Variants in COL4A1 observed in about 807,000 individuals in gnomAD.
COL4A1 encodes collagen type IV alpha 1 chain.
In COL4A1, 40 loss-of-function variants were observed where a neutral mutation model predicts 216.6. That is an observed-to-expected ratio of 0.18 (90% CI 0.14 to 0.24). The LOEUF (loss-of-function observed/expected upper bound fraction) is 0.24. Ranked by LOEUF, COL4A1 falls within the 10% of genes least tolerant of loss-of-function variation. The probability of loss-of-function intolerance (pLI) is 1.00; values close to 1 mark genes in which losing one functional copy is unlikely to be tolerated. For synonymous variants in COL4A1, 839 were observed against 810.7 expected, an observed-to-expected ratio of 1.03 and a Z score of -0.59; for missense variants, 1,628 against 2,196.8, an observed-to-expected ratio of 0.74 and a Z score of 5.18.
At chr13:110,302,669 A>T (rs1884541705) in intron 1 of COL4A1, among the ~76,000 whole-genome samples, 1 of 152,254 alleles carries the variant, frequency 6.6e-6, no homozygotes. Flanking sequence ...CCCCAAAGTC[A>T]TTCCTACAGT....
intron 1 of COL4A1, among the ~76,000 whole-genome samples, chr13:110,252,244 G>A (rs1196846799): frequency 2.6e-5 from 4 of 151,530 alleles, no homozygotes; most frequent in Admixed American, 6.6e-5. Context: ...GGCTGGTCTC[G>A]AACTCCTGAC....
rs1181818827 is a variant in COL4A1 at position 110,178,168 on chromosome 13, G to C, written c.2522C>G (p.Pro841Arg). The change falls in exon 32 of 52, where the codon CCT (proline) becomes CGT (arginine). Residue 841 changes from proline to arginine, a missense_variant. By Grantham distance (103) the Pro-to-Arg change is moderately radical. Coordinates refer to ENST00000375820, the MANE Select transcript of COL4A1 (RefSeq NM_001845.6). ...TCCTTGAGCCCCTTTATCTCCTTTAGGGCCCGGCATGTCCAGTCCAGGGAA... is the reference window on the plus strand; with the variant it reads ...TCCTTGAGCCCCTTTATCTCCTTTACGGCCCGGCATGTCCAGTCCAGGGAA... ...PGFPGLDMPG[P>R]KGDKGAQGLP... is the part of the protein sequence containing the mutation. 2.5e-6 allele frequency: 4 copies of C among 1,614,176 alleles called. No homozygotes were observed. The highest frequency in any genetic ancestry group is 3.4e-6 in the Non-Finnish European group (4 of 1,180,044).
At chr13:110,181,271 G>T in intron 29 of COL4A1, 21 bp downstream of exon 29, 1 of 1,608,970 alleles carries the variant, frequency 6.2e-7, no homozygotes, top group East Asian at 2.2e-5. Flanking sequence ...AAGGGTCATG[G>T]AGGGAATGCT....
intron 22 of COL4A1, 61 bp downstream of exon 22, chr13:110,194,962 T>C: frequency 6.8e-7 from 1 of 1,469,350 alleles, no homozygotes; most frequent in Non-Finnish European, 9.5e-7. Flanking sequence ...CCGGTAAGTA[T>C]GTGGGAAAAA....
At chr13:110,236,354 A>AT (rs1274950040) in intron 2 of COL4A1, among the ~76,000 whole-genome samples, 1 of 152,214 alleles carries the variant, frequency 6.6e-6, no homozygotes, top group Non-Finnish European at 1.5e-5. Flanking sequence ...TTTTCTTCTT[A>AT]TTTTGTATGT....
At chr13:110,234,077 T>C (rs975638080) in intron 2 of COL4A1, among the ~76,000 whole-genome samples, 3 of 152,218 alleles carry the variant, frequency 2.0e-5, no homozygotes, top group African/African-American at 4.8e-5. Context: ...CATATGTCCC[T>C]ACATGTGACA....
chr13:110,209,292 C>A (rs1197515445), intron 11 of COL4A1, 100 bp downstream of exon 11: 20 of 1,133,438 alleles, frequency 1.8e-5, no homozygotes, highest in Non-Finnish European at 2.3e-5. Context: ...AATTTTCCAA[C>A]TTTTTTTTAG....
intron 1 of COL4A1, among the ~76,000 whole-genome samples, chr13:110,247,615 T>G (rs911927946): frequency 2.6e-5 from 4 of 152,094 alleles, no homozygotes; most frequent in Admixed American, 1.3e-4. Flanking sequence ...AGTCAATGGT[T>G]TTAATAAGAA....
chr13:110,192,201 C>G lies in COL4A1; in HGVS notation c.1536+13G>C. On this transcript the variant is annotated intron_variant, in intron 24 of 51. Coordinates refer to ENST00000375820, the MANE Select transcript of COL4A1 (RefSeq NM_001845.6). ...CTTCTGATATGTACATGAACTCAGA[C>G]AGGTTTACTTACTGGCACTCCTGCA... 1 of 1,614,048 alleles carries G rather than the reference C, an allele frequency of 6.2e-7. No individual in the cohort carries two copies. The highest frequency in any genetic ancestry group is 2.2e-5 in the East Asian group (1 of 44,882).
Position 110,300,675 on chromosome 13 carries a change from G to A in COL4A1, c.84+6269C>T, listed in dbSNP as rs574331951. 3.3e-5 allele frequency among the ~76,000 whole-genome samples: 5 copies of A among 152,296 alleles called. No homozygotes were observed. In the East Asian group the frequency reaches 5.8e-4, roughly 18 times the overall value. Reference sequence around the variant, plus strand: ...ATCAAACTGGATGCTTCCAGCTCACGGCCAGTATCTCTGGCTGTGGTCCTT... The same window carrying A: ...ATCAAACTGGATGCTTCCAGCTCACAGCCAGTATCTCTGGCTGTGGTCCTT... On this transcript the variant is annotated intron_variant, in intron 1 of 51. Coordinates refer to ENST00000375820, the MANE Select transcript of COL4A1 (RefSeq NM_001845.6).
Position 110,192,199 on chromosome 13 carries a change from G to A in COL4A1, c.1536+15C>T. ...AACTTCTGATATGTACATGAACTCAGACAGGTTTACTTACTGGCACTCCTG... is the reference window on the plus strand; with the variant it reads ...AACTTCTGATATGTACATGAACTCAAACAGGTTTACTTACTGGCACTCCTG... On this transcript the variant is annotated intron_variant, in intron 24 of 51. Coordinates refer to ENST00000375820, the MANE Select transcript of COL4A1 (RefSeq NM_001845.6). 1.9e-6 allele frequency: 3 copies of A among 1,613,876 alleles called. No individual in the cohort carries two copies. Among genetic ancestry groups the A allele is most frequent in the Non-Finnish European group, 1.7e-6 (2 of 1,179,758 alleles).
At chr13:110,163,949 T>C (rs1438284693) in intron 46 of COL4A1, among the ~76,000 whole-genome samples, 3 of 151,466 alleles carry the variant, frequency 2.0e-5, no homozygotes, top group African/African-American at 2.4e-5. Context: ...TGTTTTCATG[T>C]ACATAGCTTG....
At position 110,207,376 on chromosome 13, in the gene COL4A1, G is replaced by C; in HGVS notation, c.780+27C>G. The stretch of plus-strand genomic sequence containing the variant: ...GAATTTGTCCAAAATTAGAAAATCA[G>C]TATTCACTGATGAAGCCCACTCATA... On this transcript the variant is annotated intron_variant, in intron 13 of 51. Transcript: ENST00000375820. The surrounding 1 kb of genome is among the most constrained non-coding windows in gnomAD (Gnocchi z 4.4). The C allele has an allele frequency of 6.4e-7, 1 of 1,567,894 alleles. No homozygotes were observed. The highest frequency in any genetic ancestry group is 1.3e-5 in the African/African-American group (1 of 74,306).
intron 2 of COL4A1, among the ~76,000 whole-genome samples, chr13:110,240,241 A>G (rs925533217): frequency 6.6e-6 from 1 of 152,190 alleles, no homozygotes; most frequent in Non-Finnish European, 1.5e-5. Flanking sequence ...TAAGAACCCC[A>G]AAGTTGGCAA....
chr13:110,297,559 A>G lies in COL4A1; in HGVS notation c.84+9385T>C, dbSNP rs375564629. Among the ~76,000 whole-genome samples, 237 of 152,246 alleles carry G rather than the reference A, an allele frequency of 1.6e-3. 5 individuals carry two copies. In the South Asian group the frequency reaches 0.035, roughly 22 times the overall value. On this transcript the variant is annotated intron_variant, in intron 1 of 51. Coordinates refer to ENST00000375820, the MANE Select transcript of COL4A1 (RefSeq NM_001845.6). ...TTTATTATTAAAATCCATCACTAAA[A>G]CTGTCATCAGGAATTCAAATCCATC... is the stretch of plus-strand genomic sequence containing the variant.
At chr13:110,205,208 C>A (rs1879434594) in intron 17 of COL4A1, 145 bp downstream of exon 17, 5 of 885,398 alleles carry the variant, frequency 5.6e-6, no homozygotes, top group Non-Finnish European at 8.9e-6. Flanking sequence ...ATAAAGGAAA[C>A]CACTAAATTG....
At chr13:110,178,798 A>AT in intron 31 of COL4A1, 125 bp downstream of exon 31, 1 of 757,362 alleles carries the variant, frequency 1.3e-6, no homozygotes, top group Non-Finnish European at 2.2e-6. Flanking sequence ...CTCGAGTTTT[A>AT]TTTTTTTCTC....
chr13:110,276,978 C>A (rs928358492), intron 1 of COL4A1, among the ~76,000 whole-genome samples: 1 of 152,224 alleles, frequency 6.6e-6, no homozygotes, highest in Non-Finnish European at 1.5e-5. Context: ...AAAGCAGGGA[C>A]CCACTGGGAT....
intron 1 of COL4A1, among the ~76,000 whole-genome samples, chr13:110,284,364 G>A (rs1252296869): frequency 6.6e-6 from 1 of 152,124 alleles, no homozygotes; most frequent in Non-Finnish European, 1.5e-5. Flanking sequence ...TTAAATTATA[G>A]GTGTTGATTT....
Sources: gnomAD v4.1 joint callset for allele counts (sites outside exome capture counted in the v4.1 genomes callset) on GRCh38, gnomAD v4.1.1 for gene constraint, Gnocchi (gnomAD v3.1) non-coding constraint, MANE v1.5 for transcripts, NCBI Gene and HGNC (gene_info 2026-07-23, HGNC 2026-07-21) for gene names.